The following KAZN variants were observed in gnomAD, a reference collection of about 807,000 sequenced individuals.
KAZN encodes the protein kazrin, periplakin interacting protein.
A neutral mutation model predicts 87.4 loss-of-function variants in KAZN; 40 were observed. The observed-to-expected ratio is 0.46, with a 90% CI of 0.36 to 0.60. The LOEUF is 0.60. Ranked by LOEUF, KAZN falls within the 20% of genes least tolerant of loss-of-function variation. The pLI is 0.00. For synonymous variants in KAZN, 466 were observed against 458.3 expected (o/e 1.02, Z -0.22); for missense variants, 898 against 1,073.9 (o/e 0.84, Z 2.29).
intron 2 of KAZN, among the ~76,000 whole-genome samples, chr1:14,334,270 C>T (rs1336214891): frequency 7.1e-6 from 1 of 140,120 alleles, no homozygotes; most frequent in African/African-American, 2.7e-5. Context: ...GAGGCTGAGG[C>T]AGGAGAATCG....
At chr1:14,884,545 A>T (rs2101121741) in intron 1 of KAZN, among the ~76,000 whole-genome samples, 1 of 152,340 alleles carries the variant, frequency 6.6e-6, no homozygotes, top group Non-Finnish European at 1.5e-5. Context: ...TAAGTTCTCC[A>T]TATTAAGGAC....
chr1:15,101,195 C>CTCTCTCTCTCTCTCTCTCTCT (rs1573306238), intron 10 of KAZN, among the ~76,000 whole-genome samples: 2 of 60,524 alleles, frequency 3.3e-5, no homozygotes, highest in African/African-American at 4.8e-5. Flanking sequence ...TCTGCCTCTT[C>CTCTCTCTCTCTCTCTCTCTCT]CTCTTTGTTC....
At chr1:14,480,209 G>A (rs905039716) in intron 2 of KAZN, among the ~76,000 whole-genome samples, 2 of 152,200 alleles carry the variant, frequency 1.3e-5, no homozygotes, top group African/African-American at 4.8e-5. Context: ...ATGGAGCAAG[G>A]GTAGCAAACG....
chr1:14,471,061 G>T (rs1668429574), intron 2 of KAZN, among the ~76,000 whole-genome samples: 1 of 152,088 alleles, frequency 6.6e-6, no homozygotes. Flanking sequence ...CCTTCTGATG[G>T]CTGCAACTCC....
At chr1:14,128,009 G>A (rs912827559) in intron 1 of KAZN, among the ~76,000 whole-genome samples, 4 of 152,190 alleles carry the variant, frequency 2.6e-5, no homozygotes, top group African/African-American at 9.6e-5. Context: ...TTTACAAGAC[G>A]ATGCCGAATG....
chr1:14,846,334 T>G (rs542490910), intron 1 of KAZN, among the ~76,000 whole-genome samples: 1 of 152,232 alleles, frequency 6.6e-6, no homozygotes, highest in East Asian at 1.9e-4. Flanking sequence ...GACTAGAGTT[T>G]GAGATCAAGC....
intron 1 of KAZN, among the ~76,000 whole-genome samples, chr1:14,652,852 C>T (rs866976759): frequency 6.6e-6 from 1 of 151,654 alleles, no homozygotes; most frequent in African/African-American, 2.4e-5. Flanking sequence ...CTACCCCGCC[C>T]CCATGGCAAT....
chr1:14,044,061 C>T (rs1641953722), intron 1 of KAZN, among the ~76,000 whole-genome samples: 1 of 152,094 alleles, frequency 6.6e-6, no homozygotes, highest in Admixed American at 6.5e-5. Context: ...GATAAACACT[C>T]AAATGGCTTC....
At chr1:13,961,846 C>G (rs948998251) in intron 1 of KAZN, among the ~76,000 whole-genome samples, 1 of 152,156 alleles carries the variant, frequency 6.6e-6, no homozygotes, top group African/African-American at 2.4e-5. Context: ...TGCTTCAATA[C>G]AGTAAGGTCA....
chr1:14,483,861 C>T (rs1336122173), intron 2 of KAZN, among the ~76,000 whole-genome samples: 1 of 152,106 alleles, frequency 6.6e-6, no homozygotes, highest in African/African-American at 2.4e-5. Flanking sequence ...GGAGCCATTG[C>T]CCTATGTTTT....
At chr1:14,063,963 C>T (rs1383356138) in intron 1 of KAZN, among the ~76,000 whole-genome samples, 1 of 152,116 alleles carries the variant, frequency 6.6e-6, no homozygotes, top group Admixed American at 6.5e-5. Flanking sequence ...CTCGCCCAGG[C>T]TCGAGTGCAA....
intron 1 of KAZN, among the ~76,000 whole-genome samples, chr1:14,884,356 C>G (rs1653812806): frequency 1.3e-5 from 2 of 152,160 alleles, no homozygotes; most frequent in South Asian, 4.1e-4. Context: ...CACACCACTG[C>G]ACTCCAGCCT....
chr1:14,489,461 G>A (rs773077716), intron 2 of KAZN, among the ~76,000 whole-genome samples: 1 of 152,074 alleles, frequency 6.6e-6, no homozygotes, highest in Non-Finnish European at 1.5e-5. Context: ...TGGGCACAGC[G>A]GCTCATGCCT....
intron 1 of KAZN, among the ~76,000 whole-genome samples, chr1:14,774,885 C>A (rs1645131460): frequency 6.6e-6 from 1 of 152,202 alleles, no homozygotes; most frequent in Non-Finnish European, 1.5e-5. Context: ...TCCCTGACAT[C>A]CCCTGCCATT....
intron 2 of KAZN, among the ~76,000 whole-genome samples, chr1:14,489,761 A>AATAATAAT (rs934302642): frequency 1.1e-4 from 16 of 149,152 alleles, no homozygotes; most frequent in Non-Finnish European, 1.8e-4. Flanking sequence ...TAATAATAAT[A>AATAATAAT]ATAATAATAA....
chr1:14,652,289 G>T (rs1168276461), intron 1 of KAZN, among the ~76,000 whole-genome samples: 2 of 151,976 alleles, frequency 1.3e-5, no homozygotes, highest in East Asian at 3.9e-4. Context: ...TACCCAATTT[G>T]CTTTCATTTA....
chr1:13,933,297 A>C (rs1640598785), intron 1 of KAZN, among the ~76,000 whole-genome samples: 1 of 152,112 alleles, frequency 6.6e-6, no homozygotes, highest in Non-Finnish European at 1.5e-5. Context: ...GTTCGAGACC[A>C]GACTGACTAA....
chr1:14,264,084 G>C (rs368362438), intron 2 of KAZN, among the ~76,000 whole-genome samples: 1 of 152,200 alleles, frequency 6.6e-6, no homozygotes, highest in East Asian at 1.9e-4. Context: ...TTACAGTTCT[G>C]TAGGTCTGAA....
intron 2 of KAZN, among the ~76,000 whole-genome samples, chr1:14,416,292 G>A (rs1473509237): frequency 1.3e-5 from 2 of 152,132 alleles, no homozygotes; most frequent in Non-Finnish European, 2.9e-5. Context: ...TACAGAACAG[G>A]ACTTGGCACT....
Sources: allele counts gnomAD v4.1 joint callset (sites outside exome capture counted in the v4.1 genomes callset), GRCh38; gene constraint gnomAD v4.1.1; transcripts MANE v1.5; gene names NCBI Gene and HGNC (gene_info 2026-07-23, HGNC 2026-07-21).